RAPGEF4: variants seen among roughly 807,000 people sequenced by gnomAD.
RAPGEF4 encodes RAP guanine-nucleotide-exchange factor (GEF) 4.
In RAPGEF4, 66 loss-of-function variants were observed where a neutral mutation model predicts 147.9. The ratio of observed to expected loss-of-function variants is 0.45; its 90% CI spans 0.37 to 0.55. The LOEUF (loss-of-function observed/expected upper bound fraction) is 0.55. Ranked by LOEUF, RAPGEF4 falls within the 20% of genes least tolerant of loss-of-function variation. The probability of loss-of-function intolerance (pLI) is 0.00; values close to 1 mark genes in which losing one functional copy is unlikely to be tolerated. For synonymous variants in RAPGEF4, 419 were observed against 442.7 expected (o/e 0.95, Z 0.67); for missense variants, 1,071 against 1,257.3 (o/e 0.85, Z 2.24).
intron 4 of RAPGEF4, among the ~76,000 whole-genome samples, chr2:172,855,109 C>CCTTCTAGAAGTAGATCTTTTA (rs1693270785): frequency 1.3e-5 from 2 of 152,122 alleles, no homozygotes; most frequent in Non-Finnish European, 2.9e-5. Flanking sequence ...GAAGGGAGAT[C>CCTTCTAGAAGTAGATCTTTTA]CTTCTAGAAG....
intron 6 of RAPGEF4, among the ~76,000 whole-genome samples, chr2:172,959,169 A>G (rs1414463238): frequency 6.6e-6 from 1 of 152,226 alleles, no homozygotes; most frequent in Admixed American, 6.5e-5. Flanking sequence ...TAACAGTGCT[A>G]TTGTTTAGAA....
intron 9 of RAPGEF4, chr2:172,967,022 G>T: frequency 2.6e-6 from 1 of 388,164 alleles, no homozygotes; most frequent in Non-Finnish European, 4.6e-6. Context: ...TCCTCAAAGG[G>T]AGTCCCACAG....
chr2:172,988,709 T>C lies in RAPGEF4; in HGVS notation c.1244T>C (p.Leu415Pro). The C allele has an allele frequency of 6.2e-7, 1 of 1,612,942 alleles. No individual in the cohort carries two copies. The highest frequency in any genetic ancestry group is 8.5e-7 in the Non-Finnish European group (1 of 1,178,896). Residue 415 changes from leucine to proline, a missense_variant, in exon 14 of 31, where the codon CTG becomes CCG. Leu to Pro is a moderately conservative substitution (Grantham distance 98). Transcript: ENST00000397081. ...TCTATCCAGGGTGTGGTCTGCACCC[T>C]GCATGAAGGAGATGACTTCGGCAAG... is the stretch of plus-strand genomic sequence containing the variant. ...VIYGKGVVCT[L>P]HEGDDFGKLA...
At chr2:172,996,641 GA>G in intron 16 of RAPGEF4, 87 bp downstream of exon 16, 1 of 939,616 alleles carries the variant, frequency 1.1e-6, no homozygotes, top group South Asian at 1.6e-5. Flanking sequence ...TGTGTATAGC[GA>G]AAGCAGTTTG....
intron 4 of RAPGEF4, among the ~76,000 whole-genome samples, chr2:172,897,854 T>C (rs1409442327): frequency 2.4e-5 from 3 of 122,768 alleles, no homozygotes; most frequent in African/African-American, 9.3e-5. Context: ...GCACAGCAAC[T>C]ACATTTAATA....
At chr2:172,917,687 A>G (rs1311594517) in intron 4 of RAPGEF4, 115 bp from the exon 5 acceptor site, 2 of 874,346 alleles carry the variant, frequency 2.3e-6, no homozygotes, top group Non-Finnish European at 1.9e-6. Flanking sequence ...GGCTCTATAA[A>G]TACAAGGCTC....
At chr2:172,902,753 A>G (rs1699206937) in intron 4 of RAPGEF4, among the ~76,000 whole-genome samples, 1 of 152,192 alleles carries the variant, frequency 6.6e-6, no homozygotes, top group African/African-American at 2.4e-5. Flanking sequence ...ACTCATAAGA[A>G]CATACCCTGC....
intron 4 of RAPGEF4, among the ~76,000 whole-genome samples, chr2:172,891,100 C>T (rs1697855695): frequency 6.6e-6 from 1 of 152,042 alleles, no homozygotes; most frequent in East Asian, 1.9e-4. Context: ...CACTCTACTC[C>T]AGTCTGGGCA....
chr2:172,794,985 C>A (rs1286181025), intron 1 of RAPGEF4, 40 bp from the exon 2 acceptor site: 1 of 1,560,168 alleles, frequency 6.4e-7, no homozygotes, highest in Non-Finnish European at 8.7e-7. Context: ...TGAGGTAAAT[C>A]TTTACTGACA....
At chr2:172,953,722 G>A (rs1428122756) in intron 6 of RAPGEF4, among the ~76,000 whole-genome samples, 1 of 152,186 alleles carries the variant, frequency 6.6e-6, no homozygotes, top group African/African-American at 2.4e-5. Context: ...TGTTGGAGCT[G>A]AATCCCTGAG....
At chr2:173,040,631 T>C (rs1400107936) in intron 29 of RAPGEF4, among the ~76,000 whole-genome samples, 2 of 152,224 alleles carry the variant, frequency 1.3e-5, no homozygotes, top group Non-Finnish European at 2.9e-5. Context: ...GTTTTTATTT[T>C]GTACATCTTC....
Position 172,983,590 on chromosome 2 carries a change from C to T in RAPGEF4, c.1089+10C>T. Reference sequence around the variant, plus strand: ...CCATCTTTCTACCACAGTAAGTTGTCTCTTAGTTTAGCATGGTTGGAGCAC... The same window carrying T: ...CCATCTTTCTACCACAGTAAGTTGTTTCTTAGTTTAGCATGGTTGGAGCAC... On this transcript the variant is annotated intron_variant, in intron 11 of 30. Transcript: ENST00000397081. 6.2e-7 allele frequency: 1 copy of T among 1,612,822 alleles called. No individual in the cohort carries two copies. The highest frequency in any genetic ancestry group is 8.5e-7 in the Non-Finnish European group (1 of 1,179,700).
At chr2:172,943,617 T>C (rs1390067521) in intron 6 of RAPGEF4, among the ~76,000 whole-genome samples, 1 of 152,226 alleles carries the variant, frequency 6.6e-6, no homozygotes, top group Non-Finnish European at 1.5e-5. Context: ...CTTCAAATCT[T>C]GGGCATCCCT....
intron 4 of RAPGEF4, among the ~76,000 whole-genome samples, chr2:172,879,771 C>T (rs1436457817): frequency 1.3e-5 from 2 of 152,174 alleles, no homozygotes; most frequent in East Asian, 3.9e-4. Flanking sequence ...CACTGTACTG[C>T]AGCCTGGGTG....
At chr2:172,752,368 A>G (rs572323878) in intron 1 of RAPGEF4, among the ~76,000 whole-genome samples, 1 of 152,288 alleles carries the variant, frequency 6.6e-6, no homozygotes, top group Non-Finnish European at 1.5e-5. Context: ...CTGCCTTTTG[A>G]TAATGCTTTT....
chr2:172,859,375 A>G (rs531903793), intron 4 of RAPGEF4, among the ~76,000 whole-genome samples: 1 of 152,362 alleles, frequency 6.6e-6, no homozygotes, highest in African/African-American at 2.4e-5. Context: ...ACTCTGATAT[A>G]TTTCCTCTTC....
intron 1 of RAPGEF4, among the ~76,000 whole-genome samples, chr2:172,782,853 A>G (rs1684808549): frequency 6.6e-6 from 1 of 152,186 alleles, no homozygotes; most frequent in Non-Finnish European, 1.5e-5. Flanking sequence ...TCCAATAAGC[A>G]TCCCCGTTTG....
intron 13 of RAPGEF4, 120 bp from the exon 14 acceptor site, chr2:172,988,573 C>T (rs948996512): frequency 1.1e-5 from 13 of 1,214,098 alleles, no homozygotes; most frequent in African/African-American, 3.0e-5. Flanking sequence ...CCTTTGGCAT[C>T]GCTAGGTACA....
At chr2:172,961,320 C>CT in intron 8 of RAPGEF4, 92 bp downstream of exon 8, 16 of 1,039,006 alleles carry the variant, frequency 1.5e-5, no homozygotes, top group Non-Finnish European at 2.3e-5. Context: ...TCCATGTGGG[C>CT]GCAGCCCATT....
Sources: allele counts gnomAD v4.1 joint callset (sites outside exome capture counted in the v4.1 genomes callset), GRCh38; gene constraint gnomAD v4.1.1; transcripts MANE v1.5; gene names NCBI Gene and HGNC (gene_info 2026-07-23, HGNC 2026-07-21).